Variants in FAM216A observed in about 807,000 individuals in gnomAD.
FAM216A encodes the protein family with sequence similarity 216 member A.
In FAM216A, 26 loss-of-function variants were observed where a neutral mutation model predicts 37.6. That is an observed-to-expected ratio of 0.69 (90% CI 0.51 to 0.96). The LOEUF (loss-of-function observed/expected upper bound fraction) is 0.96, where lower values mean the gene tolerates loss of function less well. Ranked by LOEUF, FAM216A falls within the 40% of genes least tolerant of loss-of-function variation. FAM216A has a pLI of 0.00. For synonymous variants in FAM216A, 110 were observed against 121.7 expected, an observed-to-expected ratio of 0.90 and a Z score of 0.64; for missense variants, 326 against 339.3, an observed-to-expected ratio of 0.96 and a Z score of 0.31.
intron 2 of FAM216A, among the ~76,000 whole-genome samples, chr12:110,474,132 G>T (rs1008950488): frequency 6.6e-6 from 1 of 151,804 alleles, no homozygotes; most frequent in African/African-American, 2.4e-5. Flanking sequence ...AAATAATATG[G>T]TCATTTAAAA....
intron 2 of FAM216A, among the ~76,000 whole-genome samples, chr12:110,476,325 G>A (rs1225398907): frequency 4.0e-5 from 6 of 150,664 alleles, no homozygotes; most frequent in East Asian, 2.0e-4. Context: ...TCAGCCTCCC[G>A]GGTAGCTGGG....
intron 2 of FAM216A, among the ~76,000 whole-genome samples, chr12:110,481,128 C>A (rs1031217664): frequency 6.6e-6 from 1 of 151,988 alleles, no homozygotes; most frequent in Admixed American, 6.6e-5. Flanking sequence ...AATAATATTC[C>A]ATTGTTTGTA....
chr12:110,485,229 A>G, intron 3 of FAM216A, 30 bp downstream of exon 3: 2 of 1,584,682 alleles, frequency 1.3e-6, no homozygotes, highest in East Asian at 2.2e-5. Context: ...TTTAAATACC[A>G]ATACTCTTTG....
In FAM216A at chr12:110,472,522, G is replaced by C. The variant is rs561556600; in HGVS notation, c.144-556G>C. Among the ~76,000 whole-genome samples, 10 of 152,090 alleles carry C rather than the reference G, an allele frequency of 6.6e-5. No homozygotes were observed. The South Asian group carries it at 1.9e-3, about 28-fold the overall frequency. ...TGCGGTGGGCTATGATCACGACACT[G>C]CACTCTAGCCTGGGTGAAGGAGGGA... On this transcript the variant is annotated intron_variant, in intron 1 of 6. Transcript: ENST00000377673.
At chr12:110,486,169 C>A in intron 3 of FAM216A, 156 bp from the exon 4 acceptor site, 2 of 716,600 alleles carry the variant, frequency 2.8e-6, no homozygotes, top group Non-Finnish European at 4.4e-6. Flanking sequence ...GTTTAATTGG[C>A]CATTTCTTTC....
chr12:110,468,991 T>C lies in FAM216A; in HGVS notation c.116T>C (p.Val39Ala), dbSNP rs1480824847. ...ERSSSAEPPA[V>A]AGTEGGGGGS... ...AGCTCTTCTGCAGAGCCGCCCGCTG[T>C]GGCCGGGACCGAGGGTGGCGGCGGC... The change falls in exon 1 of 7, where the codon GTG (valine) becomes GCG (alanine). Residue 39 changes from valine to alanine, a missense_variant. Val to Ala is a moderately conservative substitution (Grantham distance 64, BLOSUM62 0). Coordinates refer to ENST00000377673, the MANE Select transcript of FAM216A (RefSeq NM_013300.3). The C allele has an allele frequency of 6.7e-7, 1 of 1,496,408 alleles. No individual in the cohort carries two copies. Among genetic ancestry groups the C allele is most frequent in the African/African-American group, 1.4e-5 (1 of 70,644 alleles). The allele number at this position is 1,496,408 out of a possible 1,614,324, so 92.7% of individuals were successfully genotyped here.
At chr12:110,480,506 G>C (rs997884307) in intron 2 of FAM216A, among the ~76,000 whole-genome samples, 6 of 151,600 alleles carry the variant, frequency 4.0e-5, no homozygotes, top group African/African-American at 1.5e-4. Context: ...CCCAGCCTAA[G>C]GGTTTCACCA....
In FAM216A at chr12:110,487,912, T is replaced by C. The variant is rs1192182718; in HGVS notation, c.672T>C (p.Phe224=). The change falls in exon 6 of 7, where the codon TTT becomes TTC. Residue 224 remains phenylalanine, a synonymous_variant. Coordinates refer to ENST00000377673, the MANE Select transcript of FAM216A (RefSeq NM_013300.3). Reference sequence around the variant, plus strand: ...CAAGATGTAAGTCACTGAAGATTTTTAGAAGACCAAGGAAACTGTTCATGC... The same window carrying C: ...CAAGATGTAAGTCACTGAAGATTTTCAGAAGACCAAGGAAACTGTTCATGC... ...SKTRCKSLKI[F]RRPRKLFMQT... 2.5e-6 allele frequency: 4 copies of C among 1,607,110 alleles called. No homozygotes were observed. Among genetic ancestry groups the C allele is most frequent in the Non-Finnish European group, 2.6e-6 (3 of 1,175,458 alleles).
chr12:110,485,014 TTAA>T, intron 2 of FAM216A, 61 bp from the exon 3 acceptor site: 3 of 1,541,442 alleles, frequency 1.9e-6, no homozygotes, highest in Non-Finnish European at 2.6e-6. Context: ...TATCTAGATC[TTAA>T]TAATTCAGTT....
At chr12:110,471,699 A>G (rs866065377) in intron 1 of FAM216A, among the ~76,000 whole-genome samples, 1 of 152,186 alleles carries the variant, frequency 6.6e-6, no homozygotes, top group Non-Finnish European at 1.5e-5. Flanking sequence ...AAGAAGTTGG[A>G]ATACAAGAAA....
At chr12:110,477,976 G>A (rs1432207321) in intron 2 of FAM216A, among the ~76,000 whole-genome samples, 2 of 152,130 alleles carry the variant, frequency 1.3e-5, no homozygotes, top group African/African-American at 4.8e-5. Context: ...CAAAGTGCTG[G>A]GATTACAGGC....
At chr12:110,480,193 ATTTTTTTT>A (rs71083126) in intron 2 of FAM216A, among the ~76,000 whole-genome samples, 6 of 30,844 alleles carry the variant, frequency 1.9e-4, no homozygotes, top group Admixed American at 5.7e-4. Flanking sequence ...CGCCTAGCTA[ATTTTTTTT>A]TTTTTTTTTT....
Position 110,473,129 on chromosome 12 carries a change from C to A in FAM216A, c.184+11C>A. 2 of 1,499,884 alleles carry A rather than the reference C, an allele frequency of 1.3e-6. No homozygotes were observed. The highest frequency in any genetic ancestry group is 1.8e-6 in the Non-Finnish European group (2 of 1,090,468). 92.9% of individuals were successfully genotyped at this position (1,499,884 alleles called of 1,614,324 possible). On this transcript the variant is annotated intron_variant, in intron 2 of 6. Transcript: ENST00000377673. Reference sequence around the variant, plus strand: ...ATTCCAAAGGTTCTGGTGAGTAGTGCATATAAAGCAGATAATACTTATAAG... The same window carrying A: ...ATTCCAAAGGTTCTGGTGAGTAGTGAATATAAAGCAGATAATACTTATAAG...
chr12:110,474,671 G>A lies in FAM216A; in HGVS notation c.184+1553G>A, dbSNP rs575889705. On this transcript the variant is annotated intron_variant, in intron 2 of 6. Transcript: ENST00000377673. ...CATGCCACTGCACTTGAGCCTGGGC[G>A]ACAGAGCGAGACTCTGTCTCAAAAA... 2.1e-3 allele frequency among the ~76,000 whole-genome samples: 256 copies of A among 122,818 alleles called. 6 individuals carry two copies. Among genetic ancestry groups the A allele is most frequent in the Admixed American group, 0.016 (151 of 9,656 alleles). The allele number at this position is 122,818 out of a possible 152,430, so 80.6% of individuals were successfully genotyped here.
At chr12:110,469,588 C>T (rs1400563904) in intron 1 of FAM216A, among the ~76,000 whole-genome samples, 3 of 152,068 alleles carry the variant, frequency 2.0e-5, no homozygotes, top group African/African-American at 7.2e-5. Context: ...CAGCTCACTG[C>T]AACCTCAGCC....
rs929660395 is a variant in FAM216A, at chr12:110,483,130, A to C, written c.185-1948A>C. Among the ~76,000 whole-genome samples, 49 of 151,820 alleles carry C rather than the reference A, an allele frequency of 3.2e-4. No homozygotes were observed. In the South Asian group the frequency reaches 6.1e-3, roughly 19 times the overall value. On this transcript the variant is annotated intron_variant, in intron 2 of 6. Coordinates refer to ENST00000377673, the MANE Select transcript of FAM216A (RefSeq NM_013300.3). ...CACGAGGTCAGGAGATCAAGACCATACTGGCTAACACAGTGAAACGCCGTC... is the reference window on the plus strand; with the variant it reads ...CACGAGGTCAGGAGATCAAGACCATCCTGGCTAACACAGTGAAACGCCGTC...
In FAM216A at chr12:110,486,341, C is replaced by T; in HGVS notation, c.323C>T (p.Thr108Ile). Residue 108 changes from threonine (T) to isoleucine (I), a missense_variant, in exon 4 of 7, where the codon ACA becomes ATA. Coordinates refer to ENST00000377673, the MANE Select transcript of FAM216A (RefSeq NM_013300.3). The part of the protein sequence containing the change: ...ASFFKHPDLT[T>I]GQKRYLCSIA... ...GTCTTTTAGCATCCAGACCTCACCA[C>T]AGGCCAGAAGCGTTACCTGTGCAGC... The T allele has an allele frequency of 6.2e-7, 1 of 1,610,334 alleles. No individual in the cohort carries two copies. Among genetic ancestry groups the T allele is most frequent in the Non-Finnish European group, 8.5e-7 (1 of 1,177,860 alleles).
In FAM216A at chr12:110,486,183, T is replaced by C. The variant is rs376292176; in HGVS notation, c.307-142T>C. Reference sequence around the variant, plus strand: ...TGTTTAATTGGCCATTTCTTTCTCTTTTGTCAAGTTAACGTAGTTGAATTT... The same window carrying C: ...TGTTTAATTGGCCATTTCTTTCTCTCTTGTCAAGTTAACGTAGTTGAATTT... On this transcript the variant is annotated intron_variant, in intron 3 of 6. Coordinates refer to ENST00000377673, the MANE Select transcript of FAM216A (RefSeq NM_013300.3). The C allele has an allele frequency of 6.1e-5, 51 of 829,660 alleles. 2 individuals carry two copies. In the East Asian group the frequency reaches 6.5e-4, roughly 11 times the overall value. The allele number at this position is 829,660 out of a possible 1,614,324, so 51.4% of individuals were successfully genotyped here.
At chr12:110,489,936 T>C (rs563706247) in intron 6 of FAM216A, 83 bp from the exon 7 acceptor site, 6 of 691,340 alleles carry the variant, frequency 8.7e-6, no homozygotes, top group South Asian at 8.2e-5. Flanking sequence ...TACAGGCTTA[T>C]TAATAAGCCA....
Sources: allele counts gnomAD v4.1 joint callset (sites outside exome capture counted in the v4.1 genomes callset), GRCh38; gene constraint gnomAD v4.1.1; transcripts MANE v1.5; gene names NCBI Gene and HGNC (gene_info 2026-07-23, HGNC 2026-07-21).